The following RASEF variants were observed in gnomAD, a reference collection of about 807,000 sequenced individuals.
RASEF encodes RAS and EF-hand domain containing.
RASEF carries 68 observed loss-of-function variants against 90.1 expected under a neutral mutation model. The ratio of observed to expected loss-of-function variants is 0.75; its 90% CI spans 0.62 to 0.92. The LOEUF (loss-of-function observed/expected upper bound fraction) is 0.92. Ranked by LOEUF, RASEF falls within the 40% of genes least tolerant of loss-of-function variation. The pLI is 0.00. For synonymous variants in RASEF, 331 were observed against 345.2 expected (o/e 0.96, Z 0.46); for missense variants, 949 against 937.2 (o/e 1.01, Z -0.16).
intron 4 of RASEF, among the ~76,000 whole-genome samples, chr9:83,015,542 T>A (rs1829328521): frequency 6.6e-6 from 1 of 152,124 alleles, no homozygotes; most frequent in Non-Finnish European, 1.5e-5. Flanking sequence ...TAGCTGGGCA[T>A]GGTGGTGCAT....
At chr9:82,990,310 C>A (rs2118385128) in intron 16 of RASEF, 81 bp downstream of exon 16, 1 of 908,502 alleles carries the variant, frequency 1.1e-6, no homozygotes, top group Middle Eastern at 2.2e-4. Context: ...CGCATATATT[C>A]TATCTGCACA....
At chr9:83,166,631 C>A in the RASEF span, among the ~76,000 whole-genome samples, 133,690 of 152,156 alleles carry the variant, frequency 0.88, 59,060 homozygotes, top group African/African-American at 0.97. Context: ...GAGTATATAG[C>A]AACTGTGCAG....
intron 1 of RASEF, among the ~76,000 whole-genome samples, chr9:83,052,798 T>C (rs1335849386): frequency 7.7e-6 from 1 of 130,160 alleles, no homozygotes; most frequent in Non-Finnish European, 1.6e-5. Flanking sequence ...CATTTCGTTA[T>C]GTACCCAGTA....
intron 1 of RASEF, 45 bp downstream of exon 1, chr9:83,062,392 C>A: frequency 6.3e-7 from 1 of 1,593,570 alleles, no homozygotes; most frequent in South Asian, 1.1e-5. Flanking sequence ...AAGAAGCAAG[C>A]AGGAAGCGCC....
chr9:83,073,555 G>A, the RASEF span, among the ~76,000 whole-genome samples: 1 of 152,160 alleles, frequency 6.6e-6, no homozygotes, highest in Non-Finnish European at 1.5e-5. Context: ...TCATGTCTAA[G>A]GGTGCAGTTG....
intron 7 of RASEF, 67 bp from the exon 8 acceptor site, chr9:83,005,567 T>C: frequency 8.6e-7 from 1 of 1,167,596 alleles, no homozygotes; most frequent in Non-Finnish European, 1.3e-6. Flanking sequence ...CTGTCATCAC[T>C]TTCTTTTCTA....
chr9:83,049,529 CTTTTTTTTTT>C (rs10687615), intron 1 of RASEF, among the ~76,000 whole-genome samples: 3 of 99,078 alleles, frequency 3.0e-5, no homozygotes, highest in South Asian at 8.1e-4. Flanking sequence ...TTCTGCCTTC[CTTTTTTTTTT>C]TTTTTTTTTT....
chr9:83,193,092 G>A, the RASEF span, among the ~76,000 whole-genome samples: 6 of 152,158 alleles, frequency 3.9e-5, no homozygotes, highest in East Asian at 7.7e-4. Flanking sequence ...TTGCCTCTGC[G>A]AATGAAGCGC....
chr9:82,996,771 A>C (rs948452667), intron 14 of RASEF, among the ~76,000 whole-genome samples: 6 of 152,122 alleles, frequency 3.9e-5, no homozygotes, highest in Non-Finnish European at 7.4e-5. Context: ...CTATAAGAAA[A>C]CCTAGAAGTT....
intron 16 of RASEF, among the ~76,000 whole-genome samples, chr9:82,989,244 G>T (rs58472540): frequency 0.029 from 4,347 of 152,046 alleles, 107 homozygotes; most frequent in South Asian, 0.077. Context: ...GTGTGTGTGT[G>T]TATATCTTTT....
At chr9:83,161,419 G>T in the RASEF span, among the ~76,000 whole-genome samples, 1 of 152,130 alleles carries the variant, frequency 6.6e-6, no homozygotes, top group Non-Finnish European at 1.5e-5. Context: ...GGGGCCTGTA[G>T]CCCCTTTCCC....
the RASEF span, among the ~76,000 whole-genome samples, chr9:83,171,133 T>C: frequency 6.6e-6 from 1 of 151,894 alleles, no homozygotes; most frequent in Non-Finnish European, 1.5e-5. Flanking sequence ...GATATTATCA[T>C]GAAGAGATAT....
chr9:83,097,092 T>TA, the RASEF span, among the ~76,000 whole-genome samples: 4 of 152,182 alleles, frequency 2.6e-5, no homozygotes, highest in Non-Finnish European at 5.9e-5. Context: ...GCAATAAACA[T>TA]ACGTGTGCAT....
chr9:83,185,255 T>TGCCTAGTG, the RASEF span, among the ~76,000 whole-genome samples: 930 of 152,006 alleles, frequency 6.1e-3, 8 homozygotes, highest in African/African-American at 0.021. Context: ...GCCAACACTG[T>TGCCTAGTG]GCCTAGTGCA....
intron 3 of RASEF, among the ~76,000 whole-genome samples, chr9:83,016,387 G>A (rs951198143): frequency 5.3e-5 from 8 of 151,928 alleles, no homozygotes; most frequent in African/African-American, 1.2e-4. Context: ...GGTACTTCTC[G>A]GGGGTGTCCC....
intron 1 of RASEF, chr9:83,054,796 A>T (rs1305477285): frequency 1.3e-5 from 2 of 149,364 alleles, no homozygotes; most frequent in Non-Finnish European, 3.0e-5. Context: ...CTGTTGGAAT[A>T]CCCTGCCGTG....
chr9:83,066,623 C>A (rs1487056310), upstream of RASEF, among the ~76,000 whole-genome samples: 2 of 152,198 alleles, frequency 1.3e-5, no homozygotes, highest in African/African-American at 4.8e-5. Context: ...GTCAGCATGA[C>A]TTTTCGAAAG....
At chr9:83,119,877 A>G in the RASEF span, among the ~76,000 whole-genome samples, 1 of 152,162 alleles carries the variant, frequency 6.6e-6, no homozygotes, top group African/African-American at 2.4e-5. Context: ...GACAAACTTC[A>G]CCTTTTAAAA....
At position 82,982,799 on chromosome 9, in the gene RASEF, G is replaced by A. The variant is rs369227610; in HGVS notation, c.2118-17C>T. 1.6e-5 allele frequency: 20 copies of A among 1,229,968 alleles called. No individual in the cohort carries two copies. In the African/African-American group the frequency reaches 3.2e-4, roughly 20 times the overall value. 76.2% of individuals were successfully genotyped at this position (1,229,968 alleles called of 1,614,324 possible). ...TTCACTTCTCTGAGACAGAGATAGA[G>A]AGAGACAGAGAGAGAGAGAGAGAGA... On this transcript the variant is annotated splice_polypyrimidine_tract_variant and intron_variant, in intron 16 of 16. Coordinates refer to ENST00000376447, the MANE Select transcript of RASEF (RefSeq NM_152573.4).
Sources: gnomAD v4.1 joint callset for allele counts (sites outside exome capture counted in the v4.1 genomes callset) on GRCh38, gnomAD v4.1.1 for gene constraint, MANE v1.5 for transcripts, NCBI Gene and HGNC (gene_info 2026-07-23, HGNC 2026-07-21) for gene names.